The following WDR72 variants were observed in gnomAD, a reference collection of about 807,000 sequenced individuals.
WDR72 encodes the protein WD repeat domain 72, also known as WD repeat-containing protein 72.
Under a neutral mutation model 124.2 loss-of-function variants are expected in WDR72, and 120 were observed. That is an observed-to-expected ratio of 0.97 (90% CI 0.83 to 1.12). WDR72 has a LOEUF of 1.12. WDR72 is among the 50% of genes most tolerant of loss of function. The pLI is 0.00. For missense variants in WDR72, 1,387 were observed against 1,278.8 expected (o/e 1.08, Z -1.29); for synonymous variants, 452 against 441.7 (o/e 1.02, Z -0.29).
At chr15:53,652,945 T>A (rs1171312024) in intron 14 of WDR72, among the ~76,000 whole-genome samples, 1 of 152,188 alleles carries the variant, frequency 6.6e-6, no homozygotes, top group Non-Finnish European at 1.5e-5. Context: ...TAATTGAGAC[T>A]GGTGTCTAAA....
chr15:53,658,828 A>C (rs2015515107), intron 14 of WDR72, among the ~76,000 whole-genome samples: 1 of 152,212 alleles, frequency 6.6e-6, no homozygotes, highest in Non-Finnish European at 1.5e-5. Flanking sequence ...TTACAGTTAA[A>C]ATAATATTTA....
intron 13 of WDR72, among the ~76,000 whole-genome samples, chr15:53,686,856 A>C (rs949562287): frequency 2.0e-5 from 3 of 151,746 alleles, no homozygotes; most frequent in African/African-American, 7.3e-5. Context: ...ATTATAACAA[A>C]CTGTCTCTCA....
At chr15:53,669,570 A>AT (rs898176138) in intron 13 of WDR72, among the ~76,000 whole-genome samples, 18 of 152,076 alleles carry the variant, frequency 1.2e-4, no homozygotes, top group Middle Eastern at 3.4e-3. Flanking sequence ...TTACTGCATC[A>AT]TTTTTTTTCC....
chr15:53,710,788 G>T, intron 9 of WDR72, 69 bp downstream of exon 9: 1 of 1,294,238 alleles, frequency 7.7e-7, no homozygotes, highest in Non-Finnish European at 1.1e-6. Flanking sequence ...TTCTGTGACA[G>T]ACAAAGCAAC....
Position 53,689,372 on chromosome 15 carries a change from A to G in WDR72, c.1765+10378T>C, listed in dbSNP as rs553717827. 6.7e-5 allele frequency among the ~76,000 whole-genome samples: 10 copies of G among 149,890 alleles called. No homozygotes were observed. In the South Asian group the frequency reaches 1.9e-3, roughly 29 times the overall value. On this transcript the variant is annotated intron_variant, in intron 13 of 19. Coordinates refer to ENST00000360509, the MANE Select transcript of WDR72 (RefSeq NM_182758.4). ...ACGAACTCAAACAAATTTACAAGAAAAAAACAAACAACCCCATCAAAAAGT... is the reference window on the plus strand; with the variant it reads ...ACGAACTCAAACAAATTTACAAGAAGAAAACAAACAACCCCATCAAAAAGT...
At chr15:53,619,629 T>G (rs1490510433) in intron 14 of WDR72, among the ~76,000 whole-genome samples, 1 of 151,996 alleles carries the variant, frequency 6.6e-6, no homozygotes, top group African/African-American at 2.4e-5. Flanking sequence ...GACAATGAGC[T>G]TATGCTGTGG....
Position 53,746,366 on chromosome 15 carries a change from C to T in WDR72, c.-12-13205G>A, listed in dbSNP as rs189556769. ...CCAGACACTGAGTCTGCTTTACCAA[C>T]CTCACAAACATAGACAAATCTCAAA... On this transcript the variant is annotated intron_variant, in intron 1 of 19. Transcript: ENST00000360509. Among the ~76,000 whole-genome samples the T allele has an allele frequency of 3.3e-5, 5 of 152,286 alleles. No individual in the cohort carries two copies. In the South Asian group the frequency reaches 6.2e-4, roughly 19 times the overall value.
intron 14 of WDR72, among the ~76,000 whole-genome samples, chr15:53,658,857 C>T (rs577428453): frequency 2.6e-5 from 4 of 152,236 alleles, no homozygotes; most frequent in South Asian, 4.1e-4. Flanking sequence ...CTTATAAACC[C>T]TTAATAGTCG....
chr15:53,580,112 C>T (rs935744195), intron 18 of WDR72, among the ~76,000 whole-genome samples: 3 of 151,990 alleles, frequency 2.0e-5, no homozygotes, highest in Non-Finnish European at 4.4e-5. Context: ...AACATTTGCC[C>T]ACCATAAACT....
At chr15:53,539,540 A>G (rs1159406416) in intron 18 of WDR72, among the ~76,000 whole-genome samples, 4 of 152,114 alleles carry the variant, frequency 2.6e-5, no homozygotes, top group Non-Finnish European at 5.9e-5. Flanking sequence ...GAGAGAAAGT[A>G]AAAATGTTAG....
intron 18 of WDR72, among the ~76,000 whole-genome samples, chr15:53,525,100 T>C (rs577011438): frequency 3.9e-5 from 6 of 152,154 alleles, no homozygotes; most frequent in African/African-American, 1.4e-4. Context: ...TAGTTATTGA[T>C]GCAGCTGAGT....
chr15:53,727,339 T>C (rs989635352), intron 2 of WDR72, among the ~76,000 whole-genome samples: 2 of 152,106 alleles, frequency 1.3e-5, no homozygotes, highest in African/African-American at 4.8e-5. Flanking sequence ...TTTTCTGAAC[T>C]ATACGAACAT....
intron 7 of WDR72, 125 bp downstream of exon 7, chr15:53,712,647 T>C: frequency 9.8e-7 from 1 of 1,021,066 alleles, no homozygotes; most frequent in Non-Finnish European, 1.4e-6. Context: ...GACACATCAT[T>C]CCATGTTCTG....
At chr15:53,657,083 T>G (rs2015448226) in intron 14 of WDR72, among the ~76,000 whole-genome samples, 1 of 151,366 alleles carries the variant, frequency 6.6e-6, no homozygotes, top group Admixed American at 6.6e-5. Flanking sequence ...GCTAACACAG[T>G]GAAACCCCGT....
rs748033188 is a variant in WDR72 at position 53,549,602 on chromosome 15, A to AT, written c.3149-26281dup. On this transcript the variant is annotated intron_variant, in intron 18 of 19. Coordinates refer to ENST00000360509, the MANE Select transcript of WDR72 (RefSeq NM_182758.4). ...GCTTCAAAAACAAGCTGATTTTAGG[A>AT]TTTTTTTTTAAAAGATGAGTAACAG... Among the ~76,000 whole-genome samples the AT allele has an allele frequency of 2.1e-3, 326 of 151,810 alleles. 2 individuals are homozygous for AT. Among genetic ancestry groups the AT allele is most frequent in the Admixed American group, 4.6e-3 (70 of 15,234 alleles).
intron 18 of WDR72, among the ~76,000 whole-genome samples, chr15:53,558,749 C>G (rs1894018447): frequency 6.6e-6 from 1 of 151,992 alleles, no homozygotes; most frequent in East Asian, 1.9e-4. Context: ...TTATTTATAA[C>G]TTTTTTCTTC....
intron 18 of WDR72, among the ~76,000 whole-genome samples, chr15:53,526,631 T>C (rs895813561): frequency 2.0e-5 from 3 of 152,052 alleles, no homozygotes; most frequent in African/African-American, 7.2e-5. Context: ...TCACAGTAAG[T>C]TGTCCTTTTA....
intron 18 of WDR72, among the ~76,000 whole-genome samples, chr15:53,545,951 A>G (rs1893435692): frequency 7.9e-6 from 1 of 126,286 alleles, no homozygotes; most frequent in Non-Finnish European, 1.7e-5. Context: ...ATGCAAATCA[A>G]AACCACAATG....
At chr15:53,731,544 G>A (rs1487558193) in intron 2 of WDR72, among the ~76,000 whole-genome samples, 1 of 151,694 alleles carries the variant, frequency 6.6e-6, no homozygotes, top group African/African-American at 2.4e-5. Flanking sequence ...CAAAATGTCT[G>A]TAGATAGTAA....
Sources: gnomAD v4.1 joint callset for allele counts (sites outside exome capture counted in the v4.1 genomes callset) on GRCh38, gnomAD v4.1.1 for gene constraint, MANE v1.5 for transcripts, NCBI Gene and HGNC (gene_info 2026-07-23, HGNC 2026-07-21) for gene names.